The following TTC5 variants were observed in gnomAD, a reference collection of about 807,000 sequenced individuals.
TTC5 encodes the protein tetratricopeptide repeat domain 5.
In TTC5, 46 loss-of-function variants were observed where a neutral mutation model predicts 57.4. The observed-to-expected ratio is 0.80, with a 90% CI of 0.63 to 1.03. The LOEUF (loss-of-function observed/expected upper bound fraction) is 1.03. TTC5 is among the 50% of genes least tolerant of loss of function. TTC5 has a pLI of 0.00. For missense variants in TTC5, 504 were observed against 528.1 expected (o/e 0.95, Z 0.45); for synonymous variants, 190 against 203.5 (o/e 0.93, Z 0.57).
chr14:20,298,356 T>C (rs1275940020), intron 5 of TTC5, among the ~76,000 whole-genome samples: 1 of 152,230 alleles, frequency 6.6e-6, no homozygotes. Flanking sequence ...TTTTAGCCCA[T>C]GGGAAATCCA....
intron 1 of TTC5, 64 bp from the exon 2 acceptor site, chr14:20,302,029 G>A: frequency 6.3e-7 from 1 of 1,578,172 alleles, no homozygotes; most frequent in Non-Finnish European, 8.7e-7. Flanking sequence ...CTTGAAATTG[G>A]CTAGCCATAC....
At chr14:20,290,360 C>T (rs1197127429) in intron 9 of TTC5, among the ~76,000 whole-genome samples, 1 of 152,156 alleles carries the variant, frequency 6.6e-6, no homozygotes, top group Non-Finnish European at 1.5e-5. Flanking sequence ...GAGAGGCAGG[C>T]TCTTTTAAGT....
At chr14:20,298,918 T>C (rs764163192) in intron 4 of TTC5, 30 bp from the exon 5 acceptor site, 2 of 1,510,218 alleles carry the variant, frequency 1.3e-6, no homozygotes, top group African/African-American at 2.7e-5. Context: ...ACAAATCATC[T>C]CAGAGTCCAA....
At position 20,301,982 on chromosome 14, in the gene TTC5, T is replaced by A. The variant is rs1313067917; in HGVS notation, c.52-17A>T. 3.7e-6 allele frequency: 6 copies of A among 1,613,498 alleles called. No individual in the cohort carries two copies. The highest frequency in any genetic ancestry group is 5.1e-6 in the Non-Finnish European group (6 of 1,179,704). On this transcript the variant is annotated splice_polypyrimidine_tract_variant and intron_variant, in intron 1 of 9. Coordinates refer to ENST00000258821, the MANE Select transcript of TTC5 (RefSeq NM_138376.3). ...CACGAGTTCCTAAAAAGTATGACAA[T>A]GGAACCATTAAGTGGAAAGATCACT...
At position 20,295,721 on chromosome 14, in the gene TTC5, A is replaced by G. The variant is rs1313072266; in HGVS notation, c.830T>C (p.Leu277Pro). 1 of 1,606,296 alleles carries G rather than the reference A, an allele frequency of 6.2e-7. No homozygotes were observed. Among genetic ancestry groups the G allele is most frequent in the Non-Finnish European group, 8.5e-7 (1 of 1,178,166 alleles). The stretch of plus-strand genomic sequence containing the variant: ...AGACATTTTTACCTTACTCTCAAGG[A>G]GGCTGGTTAATCTATCCAGGAATTC... ...LLEFLDRLTS[L>P]LESKGKVKTK... The change falls in exon 7 of 10, where the codon CTC becomes CCC. Residue 277 changes from leucine to proline, a missense_variant. Coordinates refer to ENST00000258821, the MANE Select transcript of TTC5 (RefSeq NM_138376.3).
intron 8 of TTC5, 44 bp from the exon 9 acceptor site, chr14:20,292,171 A>T: frequency 7.1e-7 from 1 of 1,414,950 alleles, no homozygotes; most frequent in African/African-American, 1.4e-5. Context: ...ACAAAAAGGT[A>T]TGTGGGTAGG....
chr14:20,294,716 T>C (rs1882025469), intron 8 of TTC5: 1 of 152,394 alleles, frequency 6.6e-6, no homozygotes, highest in Non-Finnish European at 1.5e-5. Flanking sequence ...CACTAAACCG[T>C]AACTTTTCAA....
At position 20,305,873 on chromosome 14, in the gene TTC5, A is replaced by T; in HGVS notation, c.51+14T>A. 1 of 1,613,728 alleles carries T rather than the reference A, an allele frequency of 6.2e-7. No homozygotes were observed. Among genetic ancestry groups the T allele is most frequent in the East Asian group, 2.2e-5 (1 of 44,872 alleles). ...GTAACAAAAACACATACAGAATTTA[A>T]TCTACGGCCCCACCTGCAATTTCTG... On this transcript the variant is annotated intron_variant, in intron 1 of 9. Coordinates refer to ENST00000258821, the MANE Select transcript of TTC5 (RefSeq NM_138376.3).
At chr14:20,301,785 T>C (rs1332300889) in intron 2 of TTC5, 48 bp downstream of exon 2, 31 of 1,610,518 alleles carry the variant, frequency 1.9e-5, no homozygotes, top group Non-Finnish European at 2.6e-5. Flanking sequence ...CAAAGGTCAA[T>C]CACATTTCAC....
intron 8 of TTC5, 131 bp downstream of exon 8, chr14:20,295,181 T>C (rs1163677718): frequency 2.3e-5 from 18 of 775,980 alleles, no homozygotes; most frequent in African/African-American, 1.2e-4. Flanking sequence ...GCCCACGGGA[T>C]AGTCACAGAA....
intron 5 of TTC5, among the ~76,000 whole-genome samples, chr14:20,297,835 A>T (rs1882097978): frequency 6.6e-6 from 1 of 152,340 alleles, no homozygotes; most frequent in Non-Finnish European, 1.5e-5. Flanking sequence ...TGTTGAAGGA[A>T]TATACCACAC....
intron 8 of TTC5, chr14:20,292,739 G>A (rs1159373327): frequency 1.3e-5 from 2 of 152,210 alleles, no homozygotes; most frequent in East Asian, 3.8e-4. Context: ...TGAATTCAAT[G>A]AAGCCACAGA....
Position 20,299,457 on chromosome 14 carries a change from A to G in TTC5, c.397-9T>C. On this transcript the variant is annotated splice_polypyrimidine_tract_variant and intron_variant, in intron 3 of 9. Transcript: ENST00000258821. Reference sequence around the variant, plus strand: ...GAGACTTTGTTCCTGCACTGCAAATAGGAAGGGCACATACTCAATCTTCCT... The same window carrying G: ...GAGACTTTGTTCCTGCACTGCAAATGGGAAGGGCACATACTCAATCTTCCT... The G allele has an allele frequency of 6.2e-7, 1 of 1,613,464 alleles. No homozygotes were observed. The highest frequency in any genetic ancestry group is 8.5e-7 in the Non-Finnish European group (1 of 1,179,928).
chr14:20,293,980 G>A (rs1882011389), intron 8 of TTC5: 1 of 152,212 alleles, frequency 6.6e-6, no homozygotes, highest in Admixed American at 6.5e-5. Context: ...CATATAGGAG[G>A]CTGCCAAAGC....
rs746748917 is a variant in TTC5, at chr14:20,299,289, A to T, written c.547+9T>A. On this transcript the variant is annotated intron_variant, in intron 4 of 9. Transcript: ENST00000258821. ...AGAAACCTGTTGGAGATCTTTTGAGAGCACTCACACCAGGAGCGGCCATCA... is the reference window on the plus strand; with the variant it reads ...AGAAACCTGTTGGAGATCTTTTGAGTGCACTCACACCAGGAGCGGCCATCA... 2 of 1,611,114 alleles carry T rather than the reference A, an allele frequency of 1.2e-6. No individual in the cohort carries two copies. The highest frequency in any genetic ancestry group is 8.5e-7 in the Non-Finnish European group (1 of 1,177,924).
intron 1 of TTC5, among the ~76,000 whole-genome samples, chr14:20,303,185 C>T (rs374048653): frequency 6.8e-6 from 1 of 147,520 alleles, no homozygotes; most frequent in Non-Finnish European, 1.5e-5. Flanking sequence ...AGCAAGACTC[C>T]GTCTCAAAAA....
intron 4 of TTC5, 81 bp downstream of exon 4, chr14:20,299,217 T>A (rs1375640856): frequency 6.7e-7 from 1 of 1,493,636 alleles, no homozygotes; most frequent in East Asian, 2.3e-5. Context: ...AGAATCACAC[T>A]CAAAAGAGGG....
At chr14:20,298,713 G>T in intron 5 of TTC5, 84 bp downstream of exon 5, 2 of 1,010,380 alleles carry the variant, frequency 2.0e-6, no homozygotes, top group Non-Finnish European at 3.1e-6. Flanking sequence ...CATGATGCTT[G>T]CTAAAGGGCC....
chr14:20,300,768 T>A lies in TTC5; in HGVS notation c.235A>T (p.Asn79Tyr). The change falls in exon 3 of 10, where the codon AAT (asparagine) becomes TAT (tyrosine). Residue 79 changes from asparagine to tyrosine, a missense_variant. By Grantham distance (143) the Asn-to-Tyr change is moderately radical. Coordinates refer to ENST00000258821, the MANE Select transcript of TTC5 (RefSeq NM_138376.3). Reference protein sequence around the residue: ...QVLMLTGKALNVTPDYSPKAE... With the variant: ...QVLMLTGKALYVTPDYSPKAE... Reference sequence around the variant, plus strand: ...TTAGGGCTATAGTCAGGAGTCACATTTAGTGCTTTCCCAGTTAGCATTAGA... The same window carrying A: ...TTAGGGCTATAGTCAGGAGTCACATATAGTGCTTTCCCAGTTAGCATTAGA... 1 of 1,614,146 alleles carries A rather than the reference T, an allele frequency of 6.2e-7. No homozygotes were observed. The highest frequency in any genetic ancestry group is 8.5e-7 in the Non-Finnish European group (1 of 1,180,038).
Sources: allele counts gnomAD v4.1 joint callset (sites outside exome capture counted in the v4.1 genomes callset), GRCh38; gene constraint gnomAD v4.1.1; transcripts MANE v1.5; gene names NCBI Gene and HGNC (gene_info 2026-07-23, HGNC 2026-07-21).